The following FAM53B variants were observed in gnomAD, a reference collection of about 807,000 sequenced individuals.
FAM53B encodes the protein protein FAM53B.
In FAM53B, 12 loss-of-function variants were observed where a neutral mutation model predicts 32.7. The ratio of observed to expected loss-of-function variants is 0.37; its 90% confidence interval spans 0.24 to 0.59. The LOEUF is 0.59. Among genes scored for constraint, FAM53B ranks in the 20% least tolerant of loss-of-function variants. FAM53B has a pLI of 0.72. For synonymous variants in FAM53B, 234 were observed against 228.7 expected (o/e 1.02, Z -0.21); for missense variants, 477 against 577.7 (o/e 0.83, Z 1.79).
At chr10:124,732,120 G>A (rs989414778) in intron 1 of FAM53B, among the ~76,000 whole-genome samples, 1 of 152,166 alleles carries the variant, frequency 6.6e-6, no homozygotes, top group Admixed American at 6.5e-5. Context: ...AGCAATCAGG[G>A]GGTAGGACAA....
At chr10:124,722,038 AG>A (rs1247906120) in intron 1 of FAM53B, among the ~76,000 whole-genome samples, 1 of 152,184 alleles carries the variant, frequency 6.6e-6, no homozygotes, top group Non-Finnish European at 1.5e-5. Flanking sequence ...TGGGAAGGGT[AG>A]GGGGAAGGCG....
chr10:124,630,045 CTG>C (rs1949380569), intron 4 of FAM53B, among the ~76,000 whole-genome samples: 1 of 152,250 alleles, frequency 6.6e-6, no homozygotes, highest in African/African-American at 2.4e-5. Flanking sequence ...TGGTCTTCTG[CTG>C]CTGCCCAGCC....
intron 4 of FAM53B, among the ~76,000 whole-genome samples, chr10:124,649,343 C>A (rs1949540691): frequency 6.6e-6 from 1 of 152,156 alleles, no homozygotes; most frequent in Non-Finnish European, 1.5e-5. Flanking sequence ...ATTGTTGGAC[C>A]AGCTTGGCAC....
chr10:124,660,155 C>T (rs1489696270), intron 4 of FAM53B, among the ~76,000 whole-genome samples: 3 of 152,252 alleles, frequency 2.0e-5, no homozygotes, highest in Non-Finnish European at 4.4e-5. Context: ...AAGCCCAGTG[C>T]TGCCCTCGCT....
chr10:124,718,798 T>C (rs1188709732), intron 1 of FAM53B, among the ~76,000 whole-genome samples: 2 of 152,234 alleles, frequency 1.3e-5, no homozygotes, highest in Non-Finnish European at 2.9e-5. Flanking sequence ...CTATAATCCC[T>C]GCACTTGGGC....
chr10:124,739,036 CAAAAAACAAAAAAA>C (rs1461691787), intron 1 of FAM53B, among the ~76,000 whole-genome samples: 28 of 135,558 alleles, frequency 2.1e-4, no homozygotes, highest in African/African-American at 5.7e-4. Flanking sequence ...CCAATCACTC[CAAAAAACAAAAAAA>C]AAAAAACAAA....
chr10:124,706,816 A>C lies in FAM53B; in HGVS notation c.-103T>G. On this transcript the variant is annotated 5_prime_UTR_variant, in exon 2 of 5. Transcript: ENST00000337318. ...CCTCCTGGGGAATTGATGTCAGCAG[A>C]AACAGCTCCCCATTGGCCACTCACC... The C allele has an allele frequency of 6.3e-7, 1 of 1,579,468 alleles. No individual in the cohort carries two copies. The highest frequency in any genetic ancestry group is 8.6e-7 in the Non-Finnish European group (1 of 1,161,652).
intron 3 of FAM53B, among the ~76,000 whole-genome samples, chr10:124,693,820 T>C (rs1949850945): frequency 6.6e-6 from 1 of 152,232 alleles, no homozygotes; most frequent in Non-Finnish European, 1.5e-5. Context: ...TCACTGTTCG[T>C]TGATCTTTCT....
At chr10:124,667,775 G>T (rs1363951174) in intron 4 of FAM53B, among the ~76,000 whole-genome samples, 1 of 152,210 alleles carries the variant, frequency 6.6e-6, no homozygotes, top group Non-Finnish European at 1.5e-5. Flanking sequence ...AAGAAGCAGA[G>T]ACCCTTCTGG....
At chr10:124,706,612 G>T (rs1949960701) in intron 2 of FAM53B, 24 bp downstream of exon 2, 1 of 1,614,096 alleles carries the variant, frequency 6.2e-7, no homozygotes. Flanking sequence ...GTCATGGAAA[G>T]CAGGAAGCCT....
intron 4 of FAM53B, among the ~76,000 whole-genome samples, chr10:124,635,173 A>G (rs931989183): frequency 1.3e-5 from 2 of 152,016 alleles, no homozygotes; most frequent in African/African-American, 4.8e-5. Context: ...GCTCACTGCA[A>G]CCTCTGCCTC....
At chr10:124,658,647 G>A (rs563728274) in intron 4 of FAM53B, among the ~76,000 whole-genome samples, 12 of 152,318 alleles carry the variant, frequency 7.9e-5, no homozygotes, top group Non-Finnish European at 1.5e-4. Context: ...AGGTGCACAC[G>A]GCATGTGGAG....
intron 4 of FAM53B, among the ~76,000 whole-genome samples, chr10:124,662,933 G>A (rs769603761): frequency 6.6e-6 from 1 of 152,216 alleles, no homozygotes; most frequent in African/African-American, 2.4e-5. Context: ...ACCACTGCTT[G>A]GTCACCGCAC....
intron 3 of FAM53B, among the ~76,000 whole-genome samples, chr10:124,695,413 G>A (rs548029416): frequency 1.7e-4 from 26 of 152,260 alleles, no homozygotes; most frequent in Non-Finnish European, 3.2e-4. Flanking sequence ...GAAGATCAAG[G>A]CAATCTTCTC....
rs569677164 is a variant in FAM53B, at chr10:124,651,825, G to C, written c.907-28221C>G. On this transcript the variant is annotated intron_variant, in intron 4 of 4. Coordinates refer to ENST00000337318, the MANE Select transcript of FAM53B (RefSeq NM_014661.4). This position sits in a 1 kb window ranked among gnomAD's most constrained non-coding sequence, Gnocchi z 5.2. ...CTGCTGTCTACTATGACTGGGCCTG[G>C]AACGTTCACGCCAGCCCCAGCGTCA... Among the ~76,000 whole-genome samples the C allele has an allele frequency of 2.2e-4, 33 of 152,322 alleles. No homozygotes were observed. Among genetic ancestry groups the C allele is most frequent in the Non-Finnish European group, 3.5e-4 (24 of 68,010 alleles).
intron 4 of FAM53B, among the ~76,000 whole-genome samples, chr10:124,674,034 G>A (rs963372635): frequency 6.6e-6 from 1 of 152,164 alleles, no homozygotes; most frequent in African/African-American, 2.4e-5. Flanking sequence ...GTGTTCCAAC[G>A]ACAGTGCACC....
intron 4 of FAM53B, among the ~76,000 whole-genome samples, chr10:124,655,566 C>G (rs561121323): frequency 5.3e-5 from 8 of 152,232 alleles, no homozygotes; most frequent in Non-Finnish European, 1.2e-4. Context: ...GTGAGCGTGG[C>G]CACTCCAGGT....
intron 3 of FAM53B, among the ~76,000 whole-genome samples, chr10:124,686,234 G>A (rs1420162715): frequency 6.6e-6 from 1 of 152,238 alleles, no homozygotes; most frequent in Non-Finnish European, 1.5e-5. Context: ...CAGAAAGGCT[G>A]GAAGTCCAGC....
chr10:124,631,903 C>T (rs191301569), intron 4 of FAM53B, among the ~76,000 whole-genome samples: 8 of 152,214 alleles, frequency 5.3e-5, no homozygotes, highest in East Asian at 3.8e-4. Flanking sequence ...TCCTGCCAAG[C>T]GTGCAGGGAA....
Sources: allele counts gnomAD v4.1 joint callset (sites outside exome capture counted in the v4.1 genomes callset), GRCh38; gene constraint gnomAD v4.1.1; non-coding constraint Gnocchi (gnomAD v3.1); transcripts MANE v1.5; gene names NCBI Gene and HGNC (gene_info 2026-07-23, HGNC 2026-07-21).